Variants in CHLSN observed in about 807,000 individuals in gnomAD.
CHLSN encodes protein cholesin.
At chr7:1,101,651 G>A in the CHLSN span, among the ~76,000 whole-genome samples, 2 of 152,246 alleles carry the variant, frequency 1.3e-5, no homozygotes, top group Non-Finnish European at 1.5e-5. Flanking sequence ...ACCGTCCCGT[G>A]TCCCAGCACC....
At chr7:1,072,297 C>T in the CHLSN span, among the ~76,000 whole-genome samples, 6 of 152,192 alleles carry the variant, frequency 3.9e-5, no homozygotes, top group Non-Finnish European at 8.8e-5. Flanking sequence ...CTGAGGAGGG[C>T]ACGGAAAACG....
the CHLSN span, among the ~76,000 whole-genome samples, chr7:1,117,976 A>G: frequency 1.6e-3 from 248 of 152,320 alleles, no homozygotes; most frequent in Non-Finnish European, 2.7e-3. Flanking sequence ...AAAAACAGAC[A>G]AAAAGGAAGC....
the CHLSN span, among the ~76,000 whole-genome samples, chr7:1,050,514 CA>C: frequency 6.6e-6 from 1 of 152,244 alleles, no homozygotes; most frequent in African/African-American, 2.4e-5. Context: ...CCAGCTTCTC[CA>C]AGTCCTGAGC....
At chr7:1,126,295 G>A in the CHLSN span, among the ~76,000 whole-genome samples, 4 of 146,378 alleles carry the variant, frequency 2.7e-5, no homozygotes, top group Non-Finnish European at 5.9e-5. Flanking sequence ...GGGAGGCGGA[G>A]CTGGCAGTGA....
chr7:982,096 A>C, the CHLSN span, among the ~76,000 whole-genome samples: 1 of 152,210 alleles, frequency 6.6e-6, no homozygotes, highest in African/African-American at 2.4e-5. Flanking sequence ...TTTGCTAGGC[A>C]GGTAGGACCC....
the CHLSN span, among the ~76,000 whole-genome samples, chr7:1,040,213 G>A: frequency 6.8e-6 from 1 of 148,072 alleles, no homozygotes; most frequent in Non-Finnish European, 1.5e-5. Context: ...AATCCAGGCT[G>A]GGCATGCTGG....
the CHLSN span, among the ~76,000 whole-genome samples, chr7:1,069,165 G>A: frequency 1.3e-5 from 2 of 152,090 alleles, no homozygotes; most frequent in East Asian, 3.9e-4. Context: ...AACCCCGTCT[G>A]TACTAAAAAT....
At chr7:1,102,573 T>TA in the CHLSN span, among the ~76,000 whole-genome samples, 264 of 145,448 alleles carry the variant, frequency 1.8e-3, no homozygotes, top group African/African-American at 6.2e-3. Context: ...CACCTGTTTT[T>TA]AAAATTTTTT....
the CHLSN span, among the ~76,000 whole-genome samples, chr7:1,031,231 A>T: frequency 6.6e-6 from 1 of 152,238 alleles, no homozygotes; most frequent in Admixed American, 6.5e-5. Context: ...GTGCCCATTG[A>T]GAGGCTATGC....
At chr7:1,117,375 C>A in the CHLSN span, among the ~76,000 whole-genome samples, 6 of 109,962 alleles carry the variant, frequency 5.5e-5, no homozygotes, top group Non-Finnish European at 1.1e-4. Flanking sequence ...CTCTACGGAC[C>A]GGCTTCCATC....
chr7:1,017,905 T>C, the CHLSN span, among the ~76,000 whole-genome samples: 63 of 152,328 alleles, frequency 4.1e-4, no homozygotes, highest in African/African-American at 1.3e-3. Flanking sequence ...CATGCTGCGG[T>C]AGGAACACCC....
chr7:1,114,605 A>C, the CHLSN span, among the ~76,000 whole-genome samples: 12 of 152,232 alleles, frequency 7.9e-5, no homozygotes, highest in Non-Finnish European at 2.9e-5. Context: ...CGCGGGGCCC[A>C]AGGGCTACCC....
the CHLSN span, among the ~76,000 whole-genome samples, chr7:1,103,460 T>A: frequency 1.3e-5 from 2 of 152,050 alleles, no homozygotes; most frequent in Non-Finnish European, 2.9e-5. Flanking sequence ...CTCTTGGAGG[T>A]GTATCTGCAG....
the CHLSN span, chr7:1,025,872 TCTGGCA>T: frequency 2.7e-4 from 41 of 152,284 alleles, no homozygotes; most frequent in African/African-American, 8.9e-4. Context: ...GTGGCCAGTG[TCTGGCA>T]CAGGACAGAC....
the CHLSN span, among the ~76,000 whole-genome samples, chr7:1,022,765 C>T: frequency 6.6e-6 from 1 of 152,226 alleles, no homozygotes. Context: ...CGTCCTCCCT[C>T]CCCAGTTACT....
the CHLSN span, among the ~76,000 whole-genome samples, chr7:1,106,864 A>C: frequency 6.6e-6 from 1 of 152,168 alleles, no homozygotes; most frequent in South Asian, 2.1e-4. Context: ...GGGCCAGGTG[A>C]ACACACAAAG....
chr7:1,011,455 A>C, the CHLSN span, among the ~76,000 whole-genome samples: 2 of 147,524 alleles, frequency 1.4e-5, no homozygotes, highest in African/African-American at 5.2e-5. Flanking sequence ...ACACGCCCAC[A>C]GACACCCAGA....
the CHLSN span, among the ~76,000 whole-genome samples, chr7:1,105,333 T>C: frequency 2.6e-5 from 4 of 152,150 alleles, no homozygotes; most frequent in African/African-American, 9.7e-5. Context: ...GCTGGCCCGG[T>C]TCTGCCGCCG....
At chr7:1,126,497 T>C in the CHLSN span, among the ~76,000 whole-genome samples, 3 of 151,158 alleles carry the variant, frequency 2.0e-5, no homozygotes, top group Admixed American at 6.6e-5. Flanking sequence ...CTGGCCAACA[T>C]GGTGAAACCC....
Sources: gnomAD v4.1 joint callset for allele counts (sites outside exome capture counted in the v4.1 genomes callset) on GRCh38, gnomAD v4.1.1 for gene constraint, MANE v1.5 for transcripts, NCBI Gene and HGNC (gene_info 2026-07-23, HGNC 2026-07-21) for gene names.